The following FGF14 variants were observed in gnomAD, a reference collection of about 807,000 sequenced individuals.
FGF14 encodes the protein fibroblast growth factor homologous factor 4.
In FGF14, 5 loss-of-function variants were observed where a neutral mutation model predicts 25.5. The observed-to-expected ratio is 0.20, with a 90% CI of 0.10 to 0.41. The LOEUF is 0.41. Among genes scored for constraint, FGF14 ranks in the 10% least tolerant of loss-of-function variants. The pLI, the probability that FGF14 is intolerant of heterozygous loss-of-function variation, is 1.00. For synonymous variants in FGF14, 138 were observed against 118.3 expected (o/e 1.17, Z -1.08); for missense variants, 222 against 320.1 (o/e 0.69, Z 2.34).
At chr13:101,969,826 G>A (rs1338774568) in intron 1 of FGF14, among the ~76,000 whole-genome samples, 1 of 152,158 alleles carries the variant, frequency 6.6e-6, no homozygotes, top group Non-Finnish European at 1.5e-5. Context: ...GTTGGGTGGA[G>A]GTTGCTCTAT....
chr13:101,885,297 T>C (rs2045932274), intron 1 of FGF14, among the ~76,000 whole-genome samples: 2 of 152,308 alleles, frequency 1.3e-5, no homozygotes, highest in African/African-American at 4.8e-5. Flanking sequence ...TACATAGTCA[T>C]AGTGTCCTAA....
At chr13:102,361,597 G>A (rs1204065648) in intron 1 of FGF14, among the ~76,000 whole-genome samples, 1 of 152,068 alleles carries the variant, frequency 6.6e-6, no homozygotes, top group Non-Finnish European at 1.5e-5. Flanking sequence ...TTTCTGCACC[G>A]TTTGCCACTC....
intron 1 of FGF14, among the ~76,000 whole-genome samples, chr13:101,993,260 C>A (rs1157558319): frequency 6.7e-6 from 1 of 149,638 alleles, no homozygotes; most frequent in East Asian, 1.9e-4. Context: ...AAAAATTATC[C>A]TTCAAAAACA....
At chr13:102,026,370 A>T (rs983814219) in intron 1 of FGF14, among the ~76,000 whole-genome samples, 4 of 151,766 alleles carry the variant, frequency 2.6e-5, no homozygotes, top group Non-Finnish European at 2.9e-5. Context: ...TTTTTCATTT[A>T]TATTCATAAA....
At chr13:102,287,311 T>A (rs1034159685) in intron 1 of FGF14, among the ~76,000 whole-genome samples, 2 of 152,016 alleles carry the variant, frequency 1.3e-5, no homozygotes, top group African/African-American at 4.8e-5. Flanking sequence ...ACTAAGACAA[T>A]GAAATTAAAT....
At chr13:101,860,901 A>G (rs544989145) in intron 3 of FGF14, among the ~76,000 whole-genome samples, 2 of 152,232 alleles carry the variant, frequency 1.3e-5, no homozygotes, top group East Asian at 3.9e-4. Context: ...AAGCCCTGAT[A>G]TTCCCTTCAT....
chr13:102,327,523 T>G (rs182584676), intron 1 of FGF14, among the ~76,000 whole-genome samples: 30 of 152,310 alleles, frequency 2.0e-4, no homozygotes, highest in African/African-American at 7.0e-4. Context: ...AGAGGGCGAC[T>G]GTACTACGAT....
intron 3 of FGF14, among the ~76,000 whole-genome samples, chr13:101,785,026 C>A (rs566279576): frequency 2.0e-5 from 3 of 152,138 alleles, no homozygotes. Context: ...AAACAACCAA[C>A]CCCAGATCTG....
intron 1 of FGF14, among the ~76,000 whole-genome samples, chr13:102,181,255 C>A (rs1464296975): frequency 1.3e-5 from 2 of 152,138 alleles, no homozygotes; most frequent in Non-Finnish European, 2.9e-5. Context: ...CCGAAGACGT[C>A]CATGCCCGAA....
chr13:102,303,137 C>T (rs939512710), intron 1 of FGF14, among the ~76,000 whole-genome samples: 11 of 152,156 alleles, frequency 7.2e-5, no homozygotes, highest in Non-Finnish European at 1.3e-4. Context: ...GCTCCCACCT[C>T]GGCATCTCTG....
intron 3 of FGF14, among the ~76,000 whole-genome samples, chr13:101,735,725 G>T (rs191469518): frequency 9.4e-4 from 142 of 151,850 alleles, no homozygotes; most frequent in African/African-American, 3.2e-3. Flanking sequence ...GGGGTAGAAT[G>T]GGATGAGGGT....
chr13:101,965,614 C>T (rs367829997), intron 1 of FGF14, among the ~76,000 whole-genome samples: 32 of 150,786 alleles, frequency 2.1e-4, no homozygotes, highest in African/African-American at 6.8e-4. Context: ...GAGAATAAAA[C>T]GTTGTTTTCC....
chr13:101,909,228 A>G (rs1240628588), intron 1 of FGF14, among the ~76,000 whole-genome samples: 2 of 152,348 alleles, frequency 1.3e-5, no homozygotes, highest in African/African-American at 4.8e-5. Context: ...AACAAAAGCC[A>G]AAATTGACAA....
intron 1 of FGF14, among the ~76,000 whole-genome samples, chr13:101,890,089 AAAAAC>A (rs886415723): frequency 1.1e-4 from 16 of 152,214 alleles, no homozygotes; most frequent in South Asian, 6.2e-4. Context: ...ATACAAAAGC[AAAAAC>A]AAAACAAAAC....
chr13:102,158,807 T>C (rs2047483812), intron 1 of FGF14, among the ~76,000 whole-genome samples: 1 of 152,280 alleles, frequency 6.6e-6, no homozygotes, highest in South Asian at 2.1e-4. Context: ...CTATAAATTA[T>C]ATAACAGGAA....
chr13:102,096,416 C>T (rs992467865), intron 1 of FGF14, among the ~76,000 whole-genome samples: 3 of 134,334 alleles, frequency 2.2e-5, no homozygotes, highest in African/African-American at 7.5e-5. Flanking sequence ...TTTATTAATA[C>T]TTTACTCTTT....
intron 3 of FGF14, among the ~76,000 whole-genome samples, chr13:101,858,137 C>T (rs1406492151): frequency 1.3e-5 from 2 of 151,120 alleles, no homozygotes; most frequent in African/African-American, 4.9e-5. Context: ...AGAAATACCC[C>T]ATATCTGTTC....
At chr13:101,861,365 G>A (rs1017064277) in intron 3 of FGF14, among the ~76,000 whole-genome samples, 1 of 151,964 alleles carries the variant, frequency 6.6e-6, no homozygotes, top group African/African-American at 2.4e-5. Flanking sequence ...CTGCTTCTGG[G>A]CTTTATTTTC....
At chr13:102,330,963 G>C (rs1040461105) in intron 1 of FGF14, among the ~76,000 whole-genome samples, 2 of 152,176 alleles carry the variant, frequency 1.3e-5, no homozygotes. Flanking sequence ...ATGGATGTGA[G>C]AGAATTATAG....
Sources: gnomAD v4.1 joint callset for allele counts (sites outside exome capture counted in the v4.1 genomes callset) on GRCh38, gnomAD v4.1.1 for gene constraint, MANE v1.5 for transcripts, NCBI Gene and HGNC (gene_info 2026-07-23, HGNC 2026-07-21) for gene names.